DLG2: variants seen among roughly 807,000 people sequenced by gnomAD.
The protein encoded by DLG2 is discs large MAGUK scaffold protein 2.
Under a neutral mutation model 132.5 loss-of-function variants are expected in DLG2, and 45 were observed. The ratio of observed to expected loss-of-function variants is 0.34; its 90% CI spans 0.27 to 0.44. DLG2 has a LOEUF of 0.44. Among genes scored for constraint, DLG2 ranks in the 20% least tolerant of loss-of-function variants. The probability of loss-of-function intolerance (pLI) is 1.00; values close to 1 mark genes in which losing one functional copy is unlikely to be tolerated. For synonymous variants in DLG2, 424 were observed against 419.6 expected (o/e 1.01, Z -0.13); for missense variants, 1,045 against 1,196.9 (o/e 0.87, Z 1.87).
rs562707078 is a variant in DLG2 at position 84,831,570 on chromosome 11, G to GA, written c.357+280090dup. Among the ~76,000 whole-genome samples the GA allele has an allele frequency of 1.6e-3, 248 of 151,516 alleles. 1 individual carries two copies. Among genetic ancestry groups the GA allele is most frequent in the African/African-American group, 5.7e-3 (238 of 41,428 alleles). On this transcript the variant is annotated intron_variant, in intron 6 of 27. Transcript: ENST00000376104. The stretch of plus-strand genomic sequence containing the variant: ...AACTTATGTTCTCTTCACTTTACAG[G>GA]AAAAAATTAAAGGAATAAAAAGAAG...
chr11:84,261,784 T>C (rs1246065160), intron 7 of DLG2, among the ~76,000 whole-genome samples: 1 of 152,150 alleles, frequency 6.6e-6, no homozygotes, highest in Non-Finnish European at 1.5e-5. Flanking sequence ...TGTTAATTGA[T>C]TTTTAGACCT....
At chr11:85,058,044 C>G (rs2063642678) in intron 6 of DLG2, among the ~76,000 whole-genome samples, 1 of 150,958 alleles carries the variant, frequency 6.6e-6, no homozygotes, top group South Asian at 2.1e-4. Context: ...CTATTCAATA[C>G]AATACTGGAG....
At chr11:84,452,285 T>C (rs1602381161) in intron 7 of DLG2, among the ~76,000 whole-genome samples, 1 of 151,458 alleles carries the variant, frequency 6.6e-6, no homozygotes, top group Non-Finnish European at 1.5e-5. Context: ...CAAAATAAGA[T>C]TGGAGAGCTA....
intron 6 of DLG2, among the ~76,000 whole-genome samples, chr11:84,903,513 A>C (rs2091155583): frequency 6.6e-6 from 1 of 152,146 alleles, no homozygotes; most frequent in Non-Finnish European, 1.5e-5. Flanking sequence ...AGGGGCAGGA[A>C]TCTTTCTTAC....
chr11:84,037,573 C>T (rs915114661), intron 11 of DLG2, among the ~76,000 whole-genome samples: 2 of 152,028 alleles, frequency 1.3e-5, no homozygotes, highest in African/African-American at 2.4e-5. Flanking sequence ...TCTTTAAAGG[C>T]TCTAATAATA....
intron 6 of DLG2, among the ~76,000 whole-genome samples, chr11:84,698,109 C>T (rs76444075): frequency 1.6e-3 from 247 of 151,462 alleles, no homozygotes; most frequent in African/African-American, 5.6e-3. Flanking sequence ...GGGATTTGAC[C>T]TGCTTAACAA....
chr11:85,606,075 T>C (rs2153250217), intron 2 of DLG2, among the ~76,000 whole-genome samples: 1 of 152,312 alleles, frequency 6.6e-6, no homozygotes, highest in East Asian at 1.9e-4. Flanking sequence ...AGTTTGGCCT[T>C]ATACCAAGGG....
At chr11:85,030,578 A>G (rs2154144545) in intron 6 of DLG2, among the ~76,000 whole-genome samples, 1 of 152,336 alleles carries the variant, frequency 6.6e-6, no homozygotes, top group South Asian at 2.1e-4. Flanking sequence ...GTTGCATTCA[A>G]GTAAATAGCC....
At chr11:85,214,325 T>G (rs1363327015) in intron 4 of DLG2, among the ~76,000 whole-genome samples, 1 of 152,180 alleles carries the variant, frequency 6.6e-6, no homozygotes, top group Admixed American at 6.5e-5. Flanking sequence ...TGACACTATT[T>G]CAAAACTCAC....
intron 16 of DLG2, among the ~76,000 whole-genome samples, chr11:83,859,823 T>A (rs1347995380): frequency 6.6e-6 from 1 of 151,732 alleles, no homozygotes; most frequent in African/African-American, 2.4e-5. Context: ...GGGGAAAAAA[T>A]GGTTTTGTCG....
In DLG2 at chr11:85,186,016, TTTAG is replaced by T. The variant is rs531218566; in HGVS notation, c.187-31369_187-31366del. Among the ~76,000 whole-genome samples, 59 of 152,164 alleles carry T rather than the reference TTTAG, an allele frequency of 3.9e-4. No individual in the cohort carries two copies. The South Asian group carries it at 4.3e-3, about 11-fold the overall frequency. ...AATACCAAAGCTCATTTCTTTATCA[TTTAG>T]TTAGTCACTAAAATTTTTTCTTTAG... On this transcript the variant is annotated intron_variant, in intron 4 of 27. Transcript: ENST00000376104.
At chr11:83,898,098 C>T (rs889147556) in intron 15 of DLG2, among the ~76,000 whole-genome samples, 4 of 151,884 alleles carry the variant, frequency 2.6e-5, no homozygotes, top group Admixed American at 2.6e-4. Context: ...TGACTGACTG[C>T]CCTCAAAATT....
chr11:85,547,456 T>C (rs1404673347), intron 3 of DLG2, among the ~76,000 whole-genome samples: 1 of 152,230 alleles, frequency 6.6e-6, no homozygotes, highest in Admixed American at 6.5e-5. Context: ...CTGACAATTA[T>C]GTGTCTTGGC....
chr11:84,807,118 A>C (rs1213119004), intron 6 of DLG2, among the ~76,000 whole-genome samples: 1 of 152,184 alleles, frequency 6.6e-6, no homozygotes, highest in Non-Finnish European at 1.5e-5. Context: ...AAAGCAGAGA[A>C]ATAAAAAACA....
At chr11:83,711,343 A>G (rs1470412593) in intron 18 of DLG2, among the ~76,000 whole-genome samples, 3 of 152,204 alleles carry the variant, frequency 2.0e-5, no homozygotes, top group Non-Finnish European at 4.4e-5. Context: ...CTAGCTTCCC[A>G]GCATTTCCCC....
chr11:85,344,338 C>G (rs1422117562), intron 3 of DLG2, among the ~76,000 whole-genome samples: 1 of 152,032 alleles, frequency 6.6e-6, no homozygotes, highest in Non-Finnish European at 1.5e-5. Flanking sequence ...AGAGATTGTC[C>G]CTAATTGCCA....
At chr11:84,590,207 G>T (rs1408725061) in intron 6 of DLG2, among the ~76,000 whole-genome samples, 1 of 152,152 alleles carries the variant, frequency 6.6e-6, no homozygotes, top group Non-Finnish European at 1.5e-5. Flanking sequence ...AATGAACAGT[G>T]TCCAAATGGG....
intron 2 of DLG2, among the ~76,000 whole-genome samples, chr11:85,606,784 G>A (rs1355797255): frequency 6.6e-6 from 1 of 152,098 alleles, no homozygotes; most frequent in South Asian, 2.1e-4. Flanking sequence ...CCCACCAGGA[G>A]GAATAAATAA....
At chr11:84,906,160 C>CAACAGAGTT in intron 6 of DLG2, among the ~76,000 whole-genome samples, 1 of 150,746 alleles carries the variant, frequency 6.6e-6, no homozygotes, top group East Asian at 1.9e-4. Flanking sequence ...TTTTCTTGAA[C>CAACAGAGTT]AACAGAGTTA....
Sources: gnomAD v4.1 joint callset for allele counts (sites outside exome capture counted in the v4.1 genomes callset) on GRCh38, gnomAD v4.1.1 for gene constraint, MANE v1.5 for transcripts, NCBI Gene and HGNC (gene_info 2026-07-23, HGNC 2026-07-21) for gene names.